Variants in ST8SIA5 observed in about 807,000 individuals in gnomAD.
ST8SIA5 encodes alpha-2,8-sialyltransferase 8E.
In ST8SIA5, 24 loss-of-function variants were observed where a neutral mutation model predicts 40.2. The observed-to-expected ratio is 0.60, with a 90% confidence interval of 0.43 to 0.84. The LOEUF (loss-of-function observed/expected upper bound fraction) is 0.84, where lower values mean the gene tolerates loss of function less well. Among genes scored for constraint, ST8SIA5 ranks in the 40% least tolerant of loss-of-function variants. The pLI is 0.00. For synonymous variants in ST8SIA5, 198 were observed against 201.8 expected, an observed-to-expected ratio of 0.98 and a Z score of 0.16; for missense variants, 465 against 498.5, an observed-to-expected ratio of 0.93 and a Z score of 0.64.
chr18:46,729,392 T>TTGAGGTTCTAGAACGATGGGATCC (rs11268051), intron 1 of ST8SIA5, among the ~76,000 whole-genome samples: 1 of 151,882 alleles, frequency 6.6e-6, no homozygotes, highest in Admixed American at 6.6e-5. Flanking sequence ...GGTGGGTGCC[T>TTGAGGTTCTAGAACGATGGGATCC]TGAACTCCAC....
chr18:46,726,010 T>TAA, intron 1 of ST8SIA5, among the ~76,000 whole-genome samples: 1 of 48,212 alleles, frequency 2.1e-5, no homozygotes, highest in Non-Finnish European at 3.8e-5. Context: ...TATATATATA[T>TAA]CCTGGATATA....
chr18:46,715,885 AC>A (rs1448718080), intron 1 of ST8SIA5, among the ~76,000 whole-genome samples: 1 of 152,092 alleles, frequency 6.6e-6, no homozygotes, highest in Non-Finnish European at 1.5e-5. Context: ...ACTGTGCCTG[AC>A]CAGAAGTGAT....
In ST8SIA5 at chr18:46,675,330, G is replaced by A. The variant is rs935495277; in HGVS notation, c.*4712C>T. 5.9e-5 allele frequency: 9 copies of A among 152,194 alleles called. No homozygotes were observed. Among genetic ancestry groups the A allele is most frequent in the African/African-American group, 2.2e-4 (9 of 41,452 alleles). 9.4% of individuals were successfully genotyped at this position (152,194 alleles called of 1,614,324 possible). On this transcript the variant is annotated 3_prime_UTR_variant, in exon 7 of 7. Coordinates refer to ENST00000315087, the MANE Select transcript of ST8SIA5 (RefSeq NM_013305.6). ...CAACAGCTGTTGTGGTTGGTATCCT[G>A]TCCTCATTTCAGATGATGAGTCCAG...
intron 1 of ST8SIA5, among the ~76,000 whole-genome samples, chr18:46,747,106 C>T (rs1006169249): frequency 1.3e-5 from 2 of 152,150 alleles, no homozygotes; most frequent in African/African-American, 4.8e-5. Context: ...AGACCTAAAA[C>T]CATAAAACCC....
At chr18:46,717,769 G>T (rs2039807154) in intron 1 of ST8SIA5, among the ~76,000 whole-genome samples, 1 of 152,184 alleles carries the variant, frequency 6.6e-6, no homozygotes, top group Non-Finnish European at 1.5e-5. Context: ...TCTAAGGGAA[G>T]ACTCAGGAAC....
chr18:46,708,206 G>C (rs2039688432), intron 1 of ST8SIA5, among the ~76,000 whole-genome samples: 1 of 152,178 alleles, frequency 6.6e-6, no homozygotes, highest in Non-Finnish European at 1.5e-5. Flanking sequence ...GGGAGTCAGA[G>C]ACAGTCTCTG....
intron 1 of ST8SIA5, among the ~76,000 whole-genome samples, chr18:46,748,512 TGAG>T (rs1342815161): frequency 7.7e-6 from 1 of 130,250 alleles, no homozygotes; most frequent in Non-Finnish European, 1.5e-5. Flanking sequence ...TGCACTGAGC[TGAG>T]ATCGCACCAT....
chr18:46,691,289 A>C (rs930758506), intron 3 of ST8SIA5, among the ~76,000 whole-genome samples: 1 of 152,204 alleles, frequency 6.6e-6, no homozygotes, highest in Non-Finnish European at 1.5e-5. Flanking sequence ...TCTTAAAACT[A>C]CTACTCTACC....
intron 2 of ST8SIA5, among the ~76,000 whole-genome samples, chr18:46,697,515 T>C (rs1007981139): frequency 6.6e-6 from 1 of 152,072 alleles, no homozygotes; most frequent in African/African-American, 2.4e-5. Flanking sequence ...GCCTGAGCAA[T>C]GTAACAAGAT....
At chr18:46,705,518 C>T (rs1408080074) in intron 1 of ST8SIA5, among the ~76,000 whole-genome samples, 1 of 152,234 alleles carries the variant, frequency 6.6e-6, no homozygotes, top group Non-Finnish European at 1.5e-5. Context: ...TGCCCAGACC[C>T]CCGGAGCTGG....
At chr18:46,721,225 C>T (rs996453130) in intron 1 of ST8SIA5, 4 of 742,998 alleles carry the variant, frequency 5.4e-6, no homozygotes, top group East Asian at 2.7e-5. Context: ...AGGTGGGATA[C>T]CAAAGTGCAG....
At chr18:46,687,814 C>G (rs1206262876) in intron 4 of ST8SIA5, among the ~76,000 whole-genome samples, 1 of 152,254 alleles carries the variant, frequency 6.6e-6, no homozygotes, top group Non-Finnish European at 1.5e-5. Context: ...CTCAGAATTT[C>G]TATAAACTAC....
At chr18:46,681,848 AGT>A in intron 6 of ST8SIA5, 122 bp downstream of exon 6, 10 of 867,644 alleles carry the variant, frequency 1.2e-5, no homozygotes, top group Non-Finnish European at 1.8e-5. Context: ...TTTGAAACCC[AGT>A]GTGTGTTTTA....
At chr18:46,747,266 C>T (rs1489788833) in intron 1 of ST8SIA5, among the ~76,000 whole-genome samples, 1 of 152,124 alleles carries the variant, frequency 6.6e-6, no homozygotes, top group Non-Finnish European at 1.5e-5. Flanking sequence ...AATAAACTAC[C>T]ATCAGAGTGA....
intron 2 of ST8SIA5, 36 bp from the exon 3 acceptor site, chr18:46,692,291 G>C (rs767563950): frequency 6.2e-7 from 1 of 1,600,384 alleles, no homozygotes; most frequent in Non-Finnish European, 8.6e-7. Context: ...CATGAGCAGG[G>C]TAGGCGGGAC....
chr18:46,714,951 G>A (rs1002352534), intron 1 of ST8SIA5, among the ~76,000 whole-genome samples: 1 of 152,274 alleles, frequency 6.6e-6, no homozygotes, highest in East Asian at 1.9e-4. Flanking sequence ...CTGACTTAAG[G>A]AGGAGGAGTC....
chr18:46,689,740 A>ATTTT (rs961770000), intron 3 of ST8SIA5, among the ~76,000 whole-genome samples: 2 of 128,086 alleles, frequency 1.6e-5, no homozygotes, highest in African/African-American at 3.0e-5. Flanking sequence ...TGCCTGGCTA[A>ATTTT]TTTTTTTTTT....
At chr18:46,725,959 TAA>T (rs72220502) in intron 1 of ST8SIA5, among the ~76,000 whole-genome samples, 324 of 17,108 alleles carry the variant, frequency 0.019, 8 homozygotes, top group Middle Eastern at 0.083. Context: ...CATCTCTACT[TAA>T]AAAAAAAAAA....
intron 1 of ST8SIA5, among the ~76,000 whole-genome samples, chr18:46,713,059 A>G (rs1233396348): frequency 1.3e-5 from 2 of 152,228 alleles, no homozygotes; most frequent in Non-Finnish European, 1.5e-5. Context: ...AGCCAAGTCA[A>G]GCTGGGCCTG....
Sources: allele counts gnomAD v4.1 joint callset (sites outside exome capture counted in the v4.1 genomes callset), GRCh38; gene constraint gnomAD v4.1.1; transcripts MANE v1.5; gene names NCBI Gene and HGNC (gene_info 2026-07-23, HGNC 2026-07-21).